Variants in FBXO16 observed in about 807,000 individuals in gnomAD.
FBXO16 encodes F-box protein 16, also known as F-box only protein 16.
FBXO16 carries 31 observed loss-of-function variants against 41.0 expected under a neutral mutation model. That is an observed-to-expected ratio of 0.76 (90% CI 0.57 to 1.02). The LOEUF is 1.02. Among genes scored for constraint, FBXO16 ranks in the 50% least tolerant of loss-of-function variants. The pLI is 0.00. For synonymous variants in FBXO16, 133 were observed against 117.8 expected, an observed-to-expected ratio of 1.13 and a Z score of -0.84; for missense variants, 361 against 346.2, an observed-to-expected ratio of 1.04 and a Z score of -0.34.
At chr8:28,471,307 T>G (rs962870378) in intron 3 of FBXO16, among the ~76,000 whole-genome samples, 13 of 152,218 alleles carry the variant, frequency 8.5e-5, no homozygotes, top group African/African-American at 3.1e-4. Context: ...AAAAATGATT[T>G]CACTTCTAAT....
chr8:28,463,158 G>T (rs984231595), intron 4 of FBXO16, among the ~76,000 whole-genome samples: 1 of 151,978 alleles, frequency 6.6e-6, no homozygotes, highest in African/African-American at 2.4e-5. Context: ...ATGTTTGTGT[G>T]TGTATGTGTG....
Position 28,452,023 on chromosome 8 carries a change from A to G in FBXO16, c.740+221T>C, listed in dbSNP as rs138966131. Reference sequence around the variant, plus strand: ...AAAAAAAAAAAAAAAAATTAGAAGAAGCAATGTTAAATCATTACTATTACA... The same window carrying G: ...AAAAAAAAAAAAAAAAATTAGAAGAGGCAATGTTAAATCATTACTATTACA... On this transcript the variant is annotated intron_variant, in intron 6 of 8. Coordinates refer to ENST00000380254, the MANE Select transcript of FBXO16 (RefSeq NM_172366.4). 6.0e-3 allele frequency among the ~76,000 whole-genome samples: 909 copies of G among 151,704 alleles called. 5 individuals are homozygous for G. Among genetic ancestry groups the G allele is most frequent in the African/African-American group, 0.021 (873 of 41,198 alleles).
chr8:28,447,414 C>T, intron 6 of FBXO16, 141 bp from the exon 7 acceptor site: 1 of 667,830 alleles, frequency 1.5e-6, no homozygotes, highest in Non-Finnish European at 2.5e-6. Flanking sequence ...AGCCAAATGT[C>T]TATCAATAGA....
At chr8:28,458,470 G>A (rs1396313198) in intron 4 of FBXO16, among the ~76,000 whole-genome samples, 2 of 151,180 alleles carry the variant, frequency 1.3e-5, no homozygotes, top group African/African-American at 4.8e-5. Flanking sequence ...TCAATGGAGA[G>A]ATGGAGTTTT....
intron 7 of FBXO16, among the ~76,000 whole-genome samples, chr8:28,445,862 T>C (rs1252008263): frequency 6.6e-6 from 1 of 151,894 alleles, no homozygotes. Context: ...TACTTATTCC[T>C]CTCCCAGCTG....
intron 6 of FBXO16, among the ~76,000 whole-genome samples, chr8:28,448,503 A>C (rs1802902766): frequency 6.6e-6 from 1 of 152,216 alleles, no homozygotes; most frequent in African/African-American, 2.4e-5. Flanking sequence ...AAACAAAATG[A>C]AGTGAAAAAT....
intron 8 of FBXO16, among the ~76,000 whole-genome samples, chr8:28,429,068 G>A (rs996631434): frequency 3.3e-5 from 5 of 152,168 alleles, no homozygotes; most frequent in African/African-American, 7.2e-5. Flanking sequence ...AGTTCACACC[G>A]CTAAAAAGTG....
At chr8:28,469,639 C>A (rs984724120) in intron 3 of FBXO16, among the ~76,000 whole-genome samples, 2 of 152,216 alleles carry the variant, frequency 1.3e-5, no homozygotes, top group Admixed American at 6.5e-5. Context: ...AGTGGTGGCT[C>A]ACGCCTGTAA....
At chr8:28,443,138 C>T (rs1238166682) in intron 7 of FBXO16, among the ~76,000 whole-genome samples, 1 of 152,040 alleles carries the variant, frequency 6.6e-6, no homozygotes, top group Non-Finnish European at 1.5e-5. Flanking sequence ...CCCACCTCAG[C>T]CTCCAGAGTA....
chr8:28,449,955 G>A (rs1802925693), intron 6 of FBXO16, among the ~76,000 whole-genome samples: 1 of 133,500 alleles, frequency 7.5e-6, no homozygotes, highest in African/African-American at 2.9e-5. Flanking sequence ...CTGGGTGACA[G>A]AGCAAGACTG....
At position 28,460,493 on chromosome 8, in the gene FBXO16, G is replaced by A. The variant is rs183346567; in HGVS notation, c.342+3119C>T. 1.3e-4 allele frequency among the ~76,000 whole-genome samples: 18 copies of A among 135,174 alleles called. No individual in the cohort carries two copies. The East Asian group carries it at 2.4e-3, about 18-fold the overall frequency. 88.7% of individuals were successfully genotyped at this position (135,174 alleles called of 152,430 possible). On this transcript the variant is annotated intron_variant, in intron 4 of 8. Transcript: ENST00000380254. ...CTCAGGCTAGCAGTGGCATGATCTC[G>A]GCTCACTGCAGCCTCCAACTCCCAG...
At position 28,452,359 on chromosome 8, in the gene FBXO16, T is replaced by TAAAGAA; in HGVS notation, c.624_625insTTCTTT (p.Lys208_Asn209insPhePhe). On this transcript the variant is annotated inframe_insertion, in exon 6 of 9. Transcript: ENST00000380254. ...GGAAGTGCTTTCTCCCCTGAGTTAT[T>TAAAGAA]CTTCTTTCTTAAAGAGGAAGAGGAC... 6.2e-7 allele frequency: 1 copy of TAAAGAA among 1,614,144 alleles called. No homozygotes were observed. The highest frequency in any genetic ancestry group is 8.5e-7 in the Non-Finnish European group (1 of 1,179,974).
intron 7 of FBXO16, among the ~76,000 whole-genome samples, chr8:28,433,814 G>A (rs754111027): frequency 3.9e-5 from 6 of 152,154 alleles, no homozygotes; most frequent in Non-Finnish European, 7.4e-5. Flanking sequence ...AGAGAAGTGG[G>A]TGAGAATGCC....
At chr8:28,429,625 C>A (rs1802578082) in intron 7 of FBXO16, among the ~76,000 whole-genome samples, 3 of 151,982 alleles carry the variant, frequency 2.0e-5, no homozygotes, top group Admixed American at 6.6e-5. Context: ...TGGCAAGTCA[C>A]AGGAGTCAGA....
At chr8:28,460,245 ATTTTTT>A (rs34429050) in intron 4 of FBXO16, among the ~76,000 whole-genome samples, 54 of 85,440 alleles carry the variant, frequency 6.3e-4, no homozygotes, top group Non-Finnish European at 7.1e-4. Context: ...ATATATATAT[ATTTTTT>A]TTTTTTTTTT....
At position 28,465,677 on chromosome 8, in the gene FBXO16, G is replaced by GA. The variant is rs1803225808; in HGVS notation, c.136-1860dup. Among the ~76,000 whole-genome samples, 4 of 152,128 alleles carry GA rather than the reference G, an allele frequency of 2.6e-5. No homozygotes were observed. The South Asian group carries it at 8.3e-4, about 32-fold the overall frequency. On this transcript the variant is annotated intron_variant, in intron 3 of 8. Coordinates refer to ENST00000380254, the MANE Select transcript of FBXO16 (RefSeq NM_172366.4). ...AGAAATAAGGAACAAAAAGTGGATT[G>GA]ATTGTTTCAGAGTTACTTTTCTCAT...
intron 2 of FBXO16, among the ~76,000 whole-genome samples, chr8:28,479,922 G>A (rs1563370427): frequency 6.7e-6 from 1 of 149,864 alleles, no homozygotes; most frequent in Admixed American, 6.7e-5. Flanking sequence ...TTTAAATAAA[G>A]ATGAGGTCGC....
At chr8:28,433,525 A>T (rs1386206806) in intron 7 of FBXO16, among the ~76,000 whole-genome samples, 1 of 152,128 alleles carries the variant, frequency 6.6e-6, no homozygotes, top group Non-Finnish European at 1.5e-5. Flanking sequence ...CATGAACCTT[A>T]ATACAACTGC....
chr8:28,429,320 G>T, intron 8 of FBXO16, 58 bp downstream of exon 8: 1 of 1,573,596 alleles, frequency 6.4e-7, no homozygotes, highest in Non-Finnish European at 8.7e-7. Context: ...ATCAATACAT[G>T]CACACGATCT....
Sources: allele counts gnomAD v4.1 joint callset (sites outside exome capture counted in the v4.1 genomes callset), GRCh38; gene constraint gnomAD v4.1.1; transcripts MANE v1.5; gene names NCBI Gene and HGNC (gene_info 2026-07-23, HGNC 2026-07-21).